The following FARP1 variants were observed in gnomAD, a reference collection of about 807,000 sequenced individuals.
The protein encoded by FARP1 is FERM, ARH/RhoGEF and pleckstrin domain protein 1.
A neutral mutation model predicts 128.8 loss-of-function variants in FARP1; 52 were observed. The ratio of observed to expected loss-of-function variants is 0.40; its 90% CI spans 0.32 to 0.51. FARP1 has a LOEUF of 0.51. Ranked by LOEUF, FARP1 falls within the 20% of genes least tolerant of loss-of-function variation. The pLI, the probability that FARP1 is intolerant of heterozygous loss-of-function variation, is 0.45. For synonymous variants in FARP1, 580 were observed against 551.8 expected, an observed-to-expected ratio of 1.05 and a Z score of -0.72; for missense variants, 1,333 against 1,367.9, an observed-to-expected ratio of 0.97 and a Z score of 0.40.
intron 19 of FARP1, among the ~76,000 whole-genome samples, chr13:98,436,951 A>G (rs1200443832): frequency 1.3e-5 from 2 of 152,246 alleles, no homozygotes; most frequent in Non-Finnish European, 2.9e-5. Flanking sequence ...TGCAATGGAA[A>G]GAACCTTGGA....
At chr13:98,360,791 C>G (rs1341794694) in intron 3 of FARP1, among the ~76,000 whole-genome samples, 1 of 152,142 alleles carries the variant, frequency 6.6e-6, no homozygotes, top group Non-Finnish European at 1.5e-5. Context: ...CAGCCAGATG[C>G]CTTTCCAGTC....
At chr13:98,177,941 A>G (rs1186002327) in intron 1 of FARP1, 2 of 152,218 alleles carry the variant, frequency 1.3e-5, no homozygotes, top group African/African-American at 4.8e-5. Context: ...TAAGACGCCT[A>G]TAATCCCTCC....
chr13:98,245,021 A>G (rs1422212309), intron 2 of FARP1: 1 of 1,093,004 alleles, frequency 9.1e-7, no homozygotes, highest in East Asian at 6.1e-5. Context: ...CCAGCCATAA[A>G]TTAGACCAAA....
chr13:98,387,473 TGTA>T (rs1347000242), intron 8 of FARP1, among the ~76,000 whole-genome samples: 1 of 152,242 alleles, frequency 6.6e-6, no homozygotes, highest in African/African-American at 2.4e-5. Context: ...ACCTGGGTAA[TGTA>T]GTCACGTGCA....
At chr13:98,307,066 A>G (rs551472924) in intron 2 of FARP1, among the ~76,000 whole-genome samples, 4 of 152,298 alleles carry the variant, frequency 2.6e-5, no homozygotes, top group African/African-American at 9.6e-5. Flanking sequence ...TGGAGGGCTC[A>G]ATGTACAAAT....
At chr13:98,368,253 T>A in intron 5 of FARP1, 58 bp downstream of exon 5, 1 of 1,232,096 alleles carries the variant, frequency 8.1e-7, no homozygotes, top group South Asian at 1.2e-5. Flanking sequence ...AAAGAGAAAA[T>A]GAATGTTCTC....
At chr13:98,149,666 A>G (rs1235438499) in intron 1 of FARP1, among the ~76,000 whole-genome samples, 2 of 151,022 alleles carry the variant, frequency 1.3e-5, no homozygotes, top group Non-Finnish European at 2.9e-5. Flanking sequence ...AACTAATGAA[A>G]CATTTTCATG....
At chr13:98,193,520 G>T (rs537560414) in intron 1 of FARP1, among the ~76,000 whole-genome samples, 1 of 152,248 alleles carries the variant, frequency 6.6e-6, no homozygotes, top group African/African-American at 2.4e-5. Context: ...TGGTGTTAGT[G>T]TTTTCTTATC....
At chr13:98,206,465 C>G (rs1363098182) in intron 1 of FARP1, among the ~76,000 whole-genome samples, 1 of 152,176 alleles carries the variant, frequency 6.6e-6, no homozygotes, top group Non-Finnish European at 1.5e-5. Context: ...TTATTTGAAG[C>G]TCCGCCATTT....
intron 2 of FARP1, among the ~76,000 whole-genome samples, chr13:98,225,107 G>A (rs539615048): frequency 7.2e-5 from 11 of 152,288 alleles, no homozygotes; most frequent in African/African-American, 2.6e-4. Context: ...CACAGCATAA[G>A]TTGAATATAA....
intron 2 of FARP1, among the ~76,000 whole-genome samples, chr13:98,275,336 GGAGAGAGAGA>G (rs58331449): frequency 0.03 from 4,267 of 143,632 alleles, 205 homozygotes; most frequent in African/African-American, 0.1. Context: ...ATGTGGGTAA[GGAGAGAGAGA>G]GAGAGAGAGA....
chr13:98,155,077 T>C lies in FARP1; in HGVS notation c.-24+11585T>C, dbSNP rs538231654. ...AAAAGTCAACTGGGGCCGGGCGTGG[T>C]GGCTCACGCCTGTAATCCCAGCACT... On this transcript the variant is annotated intron_variant, in intron 1 of 26. Coordinates refer to ENST00000319562, the MANE Select transcript of FARP1 (RefSeq NM_005766.4). 2.6e-4 allele frequency among the ~76,000 whole-genome samples: 40 copies of C among 152,260 alleles called. No homozygotes were observed. The East Asian group carries it at 7.5e-3, about 29-fold the overall frequency.
chr13:98,261,806 A>G (rs575742679), intron 2 of FARP1, among the ~76,000 whole-genome samples: 224 of 152,216 alleles, frequency 1.5e-3, no homozygotes, highest in Non-Finnish European at 2.2e-3. Context: ...TCCTGAGCTA[A>G]TAGAGCGAGA....
At chr13:98,443,911 G>GAAAGGACAGGGT (rs1892650342) in intron 24 of FARP1, among the ~76,000 whole-genome samples, 1 of 152,044 alleles carries the variant, frequency 6.6e-6, no homozygotes, top group African/African-American at 2.4e-5. Flanking sequence ...GCCAGGGAGT[G>GAAAGGACAGGGT]GCGGGCACGG....
intron 2 of FARP1, among the ~76,000 whole-genome samples, chr13:98,231,743 A>G (rs1399779203): frequency 6.6e-6 from 1 of 152,126 alleles, no homozygotes; most frequent in Admixed American, 6.6e-5. Flanking sequence ...TCTGTTTTGG[A>G]GTTCAGATTT....
chr13:98,227,025 A>C (rs933395650), intron 2 of FARP1, among the ~76,000 whole-genome samples: 6 of 151,322 alleles, frequency 4.0e-5, no homozygotes, highest in East Asian at 1.9e-4. Flanking sequence ...ACTGCAAGCT[A>C]CGCCTCCCGG....
chr13:98,395,573 C>T, intron 13 of FARP1, 97 bp downstream of exon 13: 1 of 1,399,808 alleles, frequency 7.1e-7, no homozygotes, highest in Non-Finnish European at 9.6e-7. Context: ...AGAGAACAAG[C>T]GTCCCGATCC....
At chr13:98,444,272 A>C (rs1892682307) in intron 24 of FARP1, among the ~76,000 whole-genome samples, 1 of 152,110 alleles carries the variant, frequency 6.6e-6, no homozygotes, top group African/African-American at 2.4e-5. Flanking sequence ...GCATCTGCAG[A>C]GACCCTGTGT....
intron 2 of FARP1, among the ~76,000 whole-genome samples, chr13:98,288,943 A>G (rs1249109918): frequency 2.1e-5 from 3 of 145,562 alleles, no homozygotes. Flanking sequence ...ATTTCTGGGT[A>G]TTGTAGGAAC....
Sources: gnomAD v4.1 joint callset for allele counts (sites outside exome capture counted in the v4.1 genomes callset) on GRCh38, gnomAD v4.1.1 for gene constraint, MANE v1.5 for transcripts, NCBI Gene and HGNC (gene_info 2026-07-23, HGNC 2026-07-21) for gene names.